Variants in MPP1 observed in about 807,000 individuals in gnomAD.
MPP1 encodes the protein MAGUK p55 scaffold protein 1.
MPP1 carries 6 observed loss-of-function variants against 38.2 expected under a neutral mutation model. The observed-to-expected ratio is 0.16, with a 90% confidence interval of 0.09 to 0.31. MPP1 has a LOEUF of 0.31. Among genes scored for constraint, MPP1 ranks in the 10% least tolerant of loss-of-function variants. The pLI is 1.00. For missense variants in MPP1, 293 were observed against 368.9 expected (o/e 0.79, Z 1.69); for synonymous variants, 153 against 146.3 (o/e 1.05, Z -0.33).
chrX:154,800,106 G>A, intron 1 of MPP1, among the ~76,000 whole-genome samples: 1 of 112,445 alleles, frequency 8.9e-6, no homozygotes, highest in East Asian at 2.8e-4. Flanking sequence ...GTCCAAGAAG[G>A]CGAGATGATG....
At chrX:154,791,683 T>C (rs1436595232) in intron 3 of MPP1, 86 bp downstream of exon 3, 3 of 895,322 alleles carry the variant, frequency 3.4e-6, no homozygotes, top group Non-Finnish European at 4.8e-6. Context: ...GTTTGGAGGA[T>C]TATAAGCTTC....
At chrX:154,784,977 T>C in intron 7 of MPP1, 74 bp downstream of exon 7, 4 of 977,232 alleles carry the variant, frequency 4.1e-6, no homozygotes, top group Non-Finnish European at 5.8e-6. Flanking sequence ...CCTCCCCTTT[T>C]CTGCTGGTTA....
chrX:154,804,948 T>C, intron 1 of MPP1: 1 of 383,149 alleles, frequency 2.6e-6, no homozygotes, highest in Non-Finnish European at 4.8e-6. Context: ...CCTTGATGTG[T>C]TCCTTAAAGA....
intron 1 of MPP1, among the ~76,000 whole-genome samples, chrX:154,802,058 C>A (rs1326901616): frequency 3.6e-5 from 4 of 111,762 alleles, no homozygotes; most frequent in South Asian, 3.7e-4. Flanking sequence ...TCATGCACAC[C>A]GTAGACTCAA....
chrX:154,784,875 G>T, intron 7 of MPP1, 176 bp downstream of exon 7: 1 of 512,031 alleles, frequency 2.0e-6, no homozygotes, highest in Non-Finnish European at 3.5e-6. Context: ...TGGCCTGACT[G>T]CAGCAAGCTT....
chrX:154,802,683 GA>G (rs1369189122), intron 1 of MPP1, among the ~76,000 whole-genome samples: 25 of 106,905 alleles, frequency 2.3e-4, no homozygotes, highest in Non-Finnish European at 3.9e-4. Context: ...ACATTGAAAA[GA>G]AAAAAAAAAT....
In MPP1 at chrX:154,805,446, C is replaced by T; in HGVS notation, c.-73G>A. On this transcript the variant is annotated 5_prime_UTR_variant, in exon 1 of 12. Transcript: ENST00000369534. ...ATGACAGGGCCCGGGGCCTGCGGGG[C>T]TGCGGAGAAGGCGGGAGACGCGGTG... is the stretch of plus-strand genomic sequence containing the variant. 9.8e-7 allele frequency: 1 copy of T among 1,023,532 alleles called. No homozygotes were observed. Among genetic ancestry groups the T allele is most frequent in the Non-Finnish European group, 1.3e-6 (1 of 750,759 alleles). 84.4% of individuals were successfully genotyped at this position (1,023,532 alleles called of 1,213,427 possible).
chrX:154,787,075 T>C (rs950788420), intron 5 of MPP1, among the ~76,000 whole-genome samples: 6 of 98,139 alleles, frequency 6.1e-5, no homozygotes, highest in Admixed American at 3.5e-4. Context: ...GAATTTATTA[T>C]TGAAAATTCT....
intron 1 of MPP1, 74 bp downstream of exon 1, chrX:154,805,198 C>T (rs1791021381): frequency 2.0e-6 from 2 of 1,020,107 alleles, no homozygotes; most frequent in African/African-American, 1.9e-5. Flanking sequence ...GGACAGGGAC[C>T]GGGACAGGGA....
At chrX:154,789,584 C>T (rs2072117573) in intron 5 of MPP1, among the ~76,000 whole-genome samples, 1 of 111,679 alleles carries the variant, frequency 9.0e-6, no homozygotes, top group Admixed American at 9.5e-5. Flanking sequence ...GTTCAATGCT[C>T]ATTTGTAGTT....
intron 1 of MPP1, among the ~76,000 whole-genome samples, chrX:154,794,468 G>A (rs2072174044): frequency 1.8e-5 from 2 of 112,074 alleles, no homozygotes; most frequent in Admixed American, 9.4e-5. Flanking sequence ...CCTGGAGGAG[G>A]AGGAGGAGGA....
chrX:154,779,664 G>A (rs2071966976), intron 11 of MPP1, among the ~76,000 whole-genome samples: 1 of 112,330 alleles, frequency 8.9e-6, no homozygotes. Context: ...ACATGGAAGA[G>A]CCATTTCAAC....
chrX:154,794,970 T>C (rs1262208831), intron 1 of MPP1, among the ~76,000 whole-genome samples: 1 of 111,441 alleles, frequency 9.0e-6, no homozygotes, highest in Non-Finnish European at 1.9e-5. Context: ...AGTGTGGTGG[T>C]GCAAGCCTGT....
chrX:154,796,677 CACTT>C (rs1258475674), intron 1 of MPP1, among the ~76,000 whole-genome samples: 2 of 112,183 alleles, frequency 1.8e-5, no homozygotes, highest in Non-Finnish European at 3.8e-5. Context: ...TTTTAGAACT[CACTT>C]AGAAACAAAT....
Position 154,804,777 on chromosome X carries a change from C to G in MPP1, c.102+495G>C, listed in dbSNP as rs1322812812. The G allele has an allele frequency of 8.8e-6, 3 of 340,861 alleles. No individual in the cohort carries two copies. The Admixed American group carries it at 9.4e-5, about 11-fold the overall frequency. 28.1% of individuals were successfully genotyped at this position (340,861 alleles called of 1,213,427 possible). ...TGGAATCTGGATTCCTTGTTCCACC[C>G]GCAAATATACACTGGCCACCCTCTT... On this transcript the variant is annotated intron_variant, in intron 1 of 11. Coordinates refer to ENST00000369534, the MANE Select transcript of MPP1 (RefSeq NM_002436.4).
chrX:154,788,598 A>G (rs2072106742), intron 5 of MPP1, among the ~76,000 whole-genome samples: 1 of 112,233 alleles, frequency 8.9e-6, no homozygotes, highest in African/African-American at 3.2e-5. Flanking sequence ...CTATTTGGCA[A>G]TATCACCTAA....
intron 9 of MPP1, 57 bp downstream of exon 9, chrX:154,783,370 G>T: frequency 1.4e-6 from 1 of 740,333 alleles, no homozygotes; most frequent in South Asian, 3.2e-5. Context: ...TGGTATTTCA[G>T]ATGGCGAGTG....
At chrX:154,781,476 C>T (rs1457682607) in intron 10 of MPP1, 124 bp downstream of exon 10, 5 of 846,781 alleles carry the variant, frequency 5.9e-6, no homozygotes, top group Middle Eastern at 3.8e-4. Context: ...TGTTCTTGTT[C>T]CAGGCTGACC....
At chrX:154,801,294 T>C (rs1193225784) in intron 1 of MPP1, among the ~76,000 whole-genome samples, 2 of 112,428 alleles carry the variant, frequency 1.8e-5, no homozygotes, top group Non-Finnish European at 3.8e-5. Context: ...GAATTGATCT[T>C]AACCTGAAAT....
Sources: gnomAD v4.1 joint callset for allele counts (sites outside exome capture counted in the v4.1 genomes callset) on GRCh38, gnomAD v4.1.1 for gene constraint, MANE v1.5 for transcripts, NCBI Gene and HGNC (gene_info 2026-07-23, HGNC 2026-07-21) for gene names.